Variants in ZNG1A observed in about 807,000 individuals in gnomAD.
ZNG1A encodes zinc-regulated GTPase metalloprotein activator 1A.
the ZNG1A span, chr9:167,344 C>G: frequency 6.6e-6 from 1 of 150,926 alleles, no homozygotes; most frequent in Non-Finnish European, 1.5e-5. Context: ...AAACATTGGA[C>G]AAAGAAATCC....
the ZNG1A span, among the ~76,000 whole-genome samples, chr9:175,180 C>A: frequency 1.3e-5 from 2 of 152,104 alleles, no homozygotes; most frequent in Non-Finnish European, 2.9e-5. Context: ...GAGCTCAAGA[C>A]CATCCTGGCC....
the ZNG1A span, chr9:149,564 T>C: frequency 6.6e-6 from 1 of 150,720 alleles, no homozygotes; most frequent in Admixed American, 6.6e-5. Flanking sequence ...ATTATAGAAC[T>C]CTGTGCTTTT....
chr9:161,571 T>C, the ZNG1A span: 3 of 1,286,544 alleles, frequency 2.3e-6, no homozygotes, highest in South Asian at 3.7e-5. Flanking sequence ...ACTTACTGCT[T>C]TGGGCCCTAT....
chr9:168,803 G>C, the ZNG1A span, among the ~76,000 whole-genome samples: 2,504 of 149,986 alleles, frequency 0.017, 86 homozygotes, highest in African/African-American at 0.059. Flanking sequence ...ATAAAGCCTA[G>C]ATGACAGCAC....
chr9:145,838 C>G, the ZNG1A span, among the ~76,000 whole-genome samples: 1 of 151,796 alleles, frequency 6.6e-6, no homozygotes, highest in East Asian at 1.9e-4. Context: ...GAGTATTAGA[C>G]ATAGTGTTTG....
chr9:141,670 G>A, the ZNG1A span, among the ~76,000 whole-genome samples: 3 of 151,512 alleles, frequency 2.0e-5, no homozygotes, highest in Admixed American at 6.6e-5. Context: ...CATAATGACA[G>A]GATCAAATTC....
chr9:132,251 C>T, the ZNG1A span, among the ~76,000 whole-genome samples: 1 of 148,804 alleles, frequency 6.7e-6, no homozygotes, highest in Admixed American at 6.6e-5. Context: ...AGGCCGGGCA[C>T]AGTGGCTCAC....
At chr9:144,662 A>G in the ZNG1A span, among the ~76,000 whole-genome samples, 1 of 151,870 alleles carries the variant, frequency 6.6e-6, no homozygotes, top group Non-Finnish European at 1.5e-5. Flanking sequence ...TAAAACACCA[A>G]AAGCAATGGC....
the ZNG1A span, among the ~76,000 whole-genome samples, chr9:177,285 C>T: frequency 2.6e-5 from 4 of 151,996 alleles, no homozygotes; most frequent in African/African-American, 9.7e-5. Context: ...GTGACGCAGT[C>T]GGATTGACAT....
the ZNG1A span, among the ~76,000 whole-genome samples, chr9:156,175 T>C: frequency 7.1e-6 from 1 of 140,636 alleles, no homozygotes; most frequent in Non-Finnish European, 1.5e-5. Flanking sequence ...ATATATAAAA[T>C]CTTCAATCCC....
chr9:157,307 A>G, the ZNG1A span, among the ~76,000 whole-genome samples: 1 of 145,688 alleles, frequency 6.9e-6, no homozygotes, highest in Non-Finnish European at 1.5e-5. Flanking sequence ...TTTCCCCCTC[A>G]TAATCCTGTT....
chr9:155,635 C>A, the ZNG1A span, among the ~76,000 whole-genome samples: 72 of 152,180 alleles, frequency 4.7e-4, 4 homozygotes, highest in East Asian at 0.01. Flanking sequence ...TATTCAGGGT[C>A]TTATGCTTTA....
chr9:149,989 C>G, the ZNG1A span: 1 of 150,812 alleles, frequency 6.6e-6, no homozygotes, highest in Non-Finnish European at 1.5e-5. Flanking sequence ...GAGCCTTTTT[C>G]TACACATGCT....
At chr9:156,170 T>TATATATATAA in the ZNG1A span, among the ~76,000 whole-genome samples, 1 of 135,462 alleles carries the variant, frequency 7.4e-6, no homozygotes, top group African/African-American at 2.7e-5. Context: ...TATATATATA[T>TATATATATAA]AAAATCTTCA....
the ZNG1A span, among the ~76,000 whole-genome samples, chr9:124,929 T>G: frequency 1.3e-5 from 2 of 152,180 alleles, no homozygotes; most frequent in African/African-American, 4.8e-5. Flanking sequence ...TATGCATATA[T>G]ATCACAGTTA....
At chr9:142,165 T>C in the ZNG1A span, among the ~76,000 whole-genome samples, 4 of 148,534 alleles carry the variant, frequency 2.7e-5, no homozygotes, top group African/African-American at 1.0e-4. Flanking sequence ...TACCCAGGAA[T>C]TGAACTCAGC....
chr9:171,935 G>A, the ZNG1A span: 15 of 1,183,936 alleles, frequency 1.3e-5, no homozygotes, highest in East Asian at 2.0e-4. Flanking sequence ...AATGACAACC[G>A]AGTACTTTTC....
the ZNG1A span, among the ~76,000 whole-genome samples, chr9:174,810 T>C: frequency 1.2e-4 from 18 of 151,008 alleles, no homozygotes; most frequent in Non-Finnish European, 2.4e-4. Context: ...GAAGAAAAAC[T>C]TCTATAAAGA....
chr9:152,444 C>T, the ZNG1A span, among the ~76,000 whole-genome samples: 4 of 152,038 alleles, frequency 2.6e-5, no homozygotes, highest in South Asian at 2.1e-4. Flanking sequence ...AAAATTTTTA[C>T]GGTGGTCACT....
Sources: allele counts gnomAD v4.1 joint callset (sites outside exome capture counted in the v4.1 genomes callset), GRCh38; gene constraint gnomAD v4.1.1; transcripts MANE v1.5; gene names NCBI Gene and HGNC (gene_info 2026-07-23, HGNC 2026-07-21).